GIMD1: variants seen among roughly 807,000 people sequenced by gnomAD.
GIMD1 encodes the protein GIMAP family P-loop NTPase domain containing 1.
GIMD1 carries 14 observed loss-of-function variants against 14.9 expected under a neutral mutation model. The ratio of observed to expected loss-of-function variants is 0.94; its 90% CI spans 0.62 to 1.47. The LOEUF (loss-of-function observed/expected upper bound fraction) is 1.47. Among genes scored for constraint, GIMD1 ranks in the 40% most tolerant of loss-of-function variants. GIMD1 has a pLI of 0.00. For missense variants in GIMD1, 272 were observed against 255.3 expected (o/e 1.07, Z -0.44); for synonymous variants, 91 against 90.5 (o/e 1.01, Z -0.03).
At position 106,359,408 on chromosome 4, in the gene GIMD1, A is replaced by C. The variant is rs189082465; in HGVS notation, c.394-965T>G. Reference sequence around the variant, plus strand: ...ATAAGAAACACCCAAGACCTCTAATAATCAGAAGAAAGAAAGAAAGGAGAA... The same window carrying C: ...ATAAGAAACACCCAAGACCTCTAATCATCAGAAGAAAGAAAGAAAGGAGAA... On this transcript the variant is annotated intron_variant, in intron 2 of 2. Coordinates refer to ENST00000638719, the MANE Select transcript of GIMD1 (RefSeq NM_001195138.2). Among the ~76,000 whole-genome samples the C allele has an allele frequency of 2.0e-5, 3 of 152,012 alleles. 1 individual carries two copies.
intron 2 of GIMD1, among the ~76,000 whole-genome samples, chr4:106,363,884 G>GA (rs1491424188): frequency 1.5e-3 from 52 of 34,168 alleles, no homozygotes; most frequent in Non-Finnish European, 2.2e-3. Context: ...ATACCATAAT[G>GA]GGGGGGGGGG....
chr4:106,366,011 C>A (rs918081519), intron 2 of GIMD1, among the ~76,000 whole-genome samples: 2 of 151,970 alleles, frequency 1.3e-5, no homozygotes, highest in African/African-American at 2.4e-5. Context: ...GGCCTCTTAT[C>A]CAGCTCCTCT....
chr4:106,363,833 G>A (rs1770650752), intron 2 of GIMD1, among the ~76,000 whole-genome samples: 1 of 132,428 alleles, frequency 7.6e-6, no homozygotes, highest in Non-Finnish European at 1.6e-5. Context: ...TGAAATAAAA[G>A]TACATGCTTG....
Position 106,357,645 on chromosome 4 carries a change from G to C in GIMD1, c.*538C>G, listed in dbSNP as rs549179060. ...TTCCAGCACTTCTACCATCAGAGTA[G>C]TTTAGATTACATTTGTTTTACTGTT... On this transcript the variant is annotated 3_prime_UTR_variant, in exon 3 of 3. Coordinates refer to ENST00000638719, the MANE Select transcript of GIMD1 (RefSeq NM_001195138.2). 7.9e-5 allele frequency: 12 copies of C among 152,312 alleles called. No individual in the cohort carries two copies. The highest frequency in any genetic ancestry group is 2.9e-4 in the African/African-American group (12 of 41,558). 9.4% of individuals were successfully genotyped at this position (152,312 alleles called of 1,614,324 possible).
At chr4:106,360,583 CAT>C (rs1463142326) in intron 2 of GIMD1, among the ~76,000 whole-genome samples, 2 of 151,930 alleles carry the variant, frequency 1.3e-5, no homozygotes, top group Admixed American at 6.6e-5. Context: ...CCGCCAAACT[CAT>C]GTGTTGAAAT....
intron 2 of GIMD1, 72 bp from the exon 3 acceptor site, chr4:106,358,515 G>T: frequency 1.7e-6 from 2 of 1,144,108 alleles, no homozygotes; most frequent in Non-Finnish European, 2.4e-6. Flanking sequence ...GATTTATTAC[G>T]GTCCAATATA....
intron 2 of GIMD1, among the ~76,000 whole-genome samples, chr4:106,364,643 A>G (rs764048448): frequency 3.9e-5 from 6 of 152,124 alleles, no homozygotes; most frequent in Non-Finnish European, 7.3e-5. Context: ...ATCATAGGCC[A>G]CTCAAGATTA....
rs910866741 is a variant in GIMD1, at chr4:106,358,148, C to A, written c.*35G>T. 6.4e-6 allele frequency: 9 copies of A among 1,396,340 alleles called. No individual in the cohort carries two copies. The African/African-American group carries it at 1.3e-4, about 20-fold the overall frequency. 86.5% of individuals were successfully genotyped at this position (1,396,340 alleles called of 1,614,324 possible). A position where few individuals can be genotyped will look rare whatever the true frequency, so the allele number is the denominator to read the frequency against. ...ATTCTTTGTAGCTAGGTTTCTGACT[C>A]CAATACCCAATGCTCCTTTCCTTTC... On this transcript the variant is annotated 3_prime_UTR_variant, in exon 3 of 3. Coordinates refer to ENST00000638719, the MANE Select transcript of GIMD1 (RefSeq NM_001195138.2).
intron 2 of GIMD1, among the ~76,000 whole-genome samples, chr4:106,361,172 A>G (rs1018133401): frequency 6.6e-6 from 1 of 152,062 alleles, no homozygotes; most frequent in African/African-American, 2.4e-5. Context: ...ACTTTGTTCT[A>G]GGCATGCTCT....
chr4:106,357,968 A>G lies in GIMD1; in HGVS notation c.*215T>C. 1 of 438,458 alleles carries G rather than the reference A, an allele frequency of 2.3e-6. No individual in the cohort carries two copies. The highest frequency in any genetic ancestry group is 4.1e-6 in the Non-Finnish European group (1 of 245,542). 27.2% of individuals were successfully genotyped at this position (438,458 alleles called of 1,614,324 possible). On this transcript the variant is annotated 3_prime_UTR_variant, in exon 3 of 3. Coordinates refer to ENST00000638719, the MANE Select transcript of GIMD1 (RefSeq NM_001195138.2). ...ACACATTTATGTTGGGTATACACTTAGGAGTGTAATTGCTATGTCATGGGA... is the reference window on the plus strand; with the variant it reads ...ACACATTTATGTTGGGTATACACTTGGGAGTGTAATTGCTATGTCATGGGA...
chr4:106,362,147 C>T (rs1392138666), intron 2 of GIMD1, among the ~76,000 whole-genome samples: 1 of 152,084 alleles, frequency 6.6e-6, no homozygotes, highest in East Asian at 1.9e-4. Context: ...AGTTTTTACA[C>T]ATTTATTTAT....
At position 106,357,912 on chromosome 4, in the gene GIMD1, T is replaced by C. The variant is rs2125933198; in HGVS notation, c.*271A>G. Reference sequence around the variant, plus strand: ...TGAATAGTAGTTCCATGAACATTATTGTGCATACATGTCTTCTAGTACACA... The same window carrying C: ...TGAATAGTAGTTCCATGAACATTATCGTGCATACATGTCTTCTAGTACACA... On this transcript the variant is annotated 3_prime_UTR_variant, in exon 3 of 3. Transcript: ENST00000638719. The C allele has an allele frequency of 4.1e-6, 1 of 246,688 alleles. No individual in the cohort carries two copies. Among genetic ancestry groups the C allele is most frequent in the African/African-American group, 2.3e-5 (1 of 44,378 alleles). The allele number at this position is 246,688 out of a possible 1,614,324, so 15.3% of individuals were successfully genotyped here. A position where few individuals can be genotyped will look rare whatever the true frequency, so the allele number is the denominator to read the frequency against.
Position 106,358,433 on chromosome 4 carries a change from C to A in GIMD1, c.404G>T (p.Gly135Val). 2.0e-6 allele frequency: 3 copies of A among 1,508,018 alleles called. No homozygotes were observed. Among genetic ancestry groups the A allele is most frequent in the Middle Eastern group, 1.7e-4 (1 of 5,816 alleles). The allele number at this position is 1,508,018 out of a possible 1,614,324, so 93.4% of individuals were successfully genotyped here. Residue 135 changes from glycine to valine, a missense_variant, in exon 3 of 3, where the codon GGA becomes GTA. Transcript: ENST00000638719. ...GGCTGTGTAATTCATCCAAGCATGTCCAAGAAGTTCCTGAAAGAGAGAAGT... is the reference window on the plus strand; with the variant it reads ...GGCTGTGTAATTCATCCAAGCATGTACAAGAAGTTCCTGAAAGAGAGAAGT... ...DPVQMIQELL[G>V]HAWMNYTAIL...
rs748975922 is a variant in GIMD1 at position 106,358,303 on chromosome 4, C to T, written c.534G>A (p.Gln178=). 1.3e-6 allele frequency: 2 copies of T among 1,533,502 alleles called. No individual in the cohort carries two copies. The highest frequency in any genetic ancestry group is 1.7e-6 in the Non-Finnish European group (2 of 1,145,370). 95.0% of individuals were successfully genotyped at this position (1,533,502 alleles called of 1,614,324 possible). Residue 178 remains glutamine (Q), a synonymous_variant, in exon 3 of 3, where the codon CAG becomes CAA. Transcript: ENST00000638719. ...DTLKTLLNSI[Q]HKYVFQYKKG... ...TTTTGTACTGGAAAACGTATTTGTG[C>T]TGAATAGAATTTAGCAGCGTTTTCA...
At chr4:106,365,459 A>G (rs915724482) in intron 2 of GIMD1, among the ~76,000 whole-genome samples, 1 of 152,058 alleles carries the variant, frequency 6.6e-6, no homozygotes, top group Non-Finnish European at 1.5e-5. Context: ...GTCACGTAGA[A>G]GTATCTTTTC....
At chr4:106,367,761 A>G (rs1029154594) in intron 1 of GIMD1, among the ~76,000 whole-genome samples, 7 of 152,202 alleles carry the variant, frequency 4.6e-5, no homozygotes, top group African/African-American at 9.6e-5. Flanking sequence ...TAACTCATCA[A>G]TGTGGTAGGT....
At position 106,358,382 on chromosome 4, in the gene GIMD1, A is replaced by G. The variant is rs560338003; in HGVS notation, c.455T>C (p.Ile152Thr). 2.0e-6 allele frequency: 3 copies of G among 1,531,530 alleles called. No homozygotes were observed. The highest frequency in any genetic ancestry group is 1.7e-6 in the Non-Finnish European group (2 of 1,144,894). The allele number at this position is 1,531,530 out of a possible 1,614,324, so 94.9% of individuals were successfully genotyped here. A position where few individuals can be genotyped will look rare whatever the true frequency, so the allele number is the denominator to read the frequency against. The change falls in exon 3 of 3, where the codon ATA (isoleucine) becomes ACA (threonine). Residue 152 changes from isoleucine (I) to threonine (T), a missense_variant. Physicochemically the swap from Ile to Thr is moderately conservative, Grantham distance 89. Coordinates refer to ENST00000638719, the MANE Select transcript of GIMD1 (RefSeq NM_001195138.2). ...TAILFTHAEKIEEAGLTEDKY... is the reference protein window; with the variant it reads ...TAILFTHAEKTEEAGLTEDKY... ...ATCTTCAGTAAGCCCAGCCTCTTCTATTTTTTCTGCATGGGTAAAAAGAAT... is the reference window on the plus strand; with the variant it reads ...ATCTTCAGTAAGCCCAGCCTCTTCTGTTTTTTCTGCATGGGTAAAAAGAAT...
intron 1 of GIMD1, among the ~76,000 whole-genome samples, chr4:106,368,094 T>G (rs1770733177): frequency 6.6e-6 from 1 of 152,182 alleles, no homozygotes; most frequent in Non-Finnish European, 1.5e-5. Flanking sequence ...TACAAACTAC[T>G]TGTAATTTCT....
At chr4:106,366,957 A>AT (rs1770711117) in intron 2 of GIMD1, 86 bp downstream of exon 2, 11 of 308,138 alleles carry the variant, frequency 3.6e-5, no homozygotes, top group Non-Finnish European at 5.4e-5. Context: ...AATAATAATA[A>AT]TATTATTATT....
Sources: allele counts gnomAD v4.1 joint callset (sites outside exome capture counted in the v4.1 genomes callset), GRCh38; gene constraint gnomAD v4.1.1; transcripts MANE v1.5; gene names NCBI Gene and HGNC (gene_info 2026-07-23, HGNC 2026-07-21).